Variants in TBC1D32 observed in about 807,000 individuals in gnomAD.
TBC1D32 encodes protein broad-minded.
In TBC1D32, 151 loss-of-function variants were observed where a neutral mutation model predicts 170.3. The observed-to-expected ratio is 0.89, with a 90% CI of 0.78 to 1.01. TBC1D32 has a LOEUF of 1.01. Ranked by LOEUF, TBC1D32 falls within the 50% of genes least tolerant of loss-of-function variation. The pLI is 0.00. For missense variants in TBC1D32, 1,464 were observed against 1,457.1 expected, an observed-to-expected ratio of 1.00 and a Z score of -0.08; for synonymous variants, 498 against 488.0, an observed-to-expected ratio of 1.02 and a Z score of -0.27.
chr6:121,107,469 G>A (rs1355549410), intron 29 of TBC1D32, among the ~76,000 whole-genome samples: 1 of 151,784 alleles, frequency 6.6e-6, no homozygotes, highest in Non-Finnish European at 1.5e-5. Context: ...TTATTTTTGT[G>A]CATTAATGAA....
intron 24 of TBC1D32, among the ~76,000 whole-genome samples, chr6:121,152,686 G>T (rs1213382285): frequency 6.6e-6 from 1 of 152,018 alleles, no homozygotes; most frequent in Non-Finnish European, 1.5e-5. Flanking sequence ...TTTTTTGGAG[G>T]CTTTGTTCAT....
At chr6:121,136,219 T>C (rs1016286933) in intron 24 of TBC1D32, among the ~76,000 whole-genome samples, 1 of 152,156 alleles carries the variant, frequency 6.6e-6, no homozygotes, top group Admixed American at 6.6e-5. Context: ...TTTTCAATAC[T>C]GCCATCTCAG....
intron 15 of TBC1D32, among the ~76,000 whole-genome samples, chr6:121,270,132 T>C (rs1391330239): frequency 5.3e-5 from 8 of 152,112 alleles, no homozygotes; most frequent in Admixed American, 2.0e-4. Context: ...GGGAAATTTA[T>C]AGCACTAAAT....
At chr6:121,196,909 C>T (rs1471073494) in intron 22 of TBC1D32, among the ~76,000 whole-genome samples, 1 of 152,140 alleles carries the variant, frequency 6.6e-6, no homozygotes, top group Non-Finnish European at 1.5e-5. Flanking sequence ...ACCATCACCC[C>T]TAGTGATCCA....
chr6:121,334,524 T>G, upstream of TBC1D32: 1 of 1,434,494 alleles, frequency 7.0e-7, no homozygotes, highest in East Asian at 2.6e-5. Flanking sequence ...CAGCCCCGGC[T>G]ACGTGCGGCG....
intron 9 of TBC1D32, among the ~76,000 whole-genome samples, chr6:121,299,891 G>A (rs940175223): frequency 6.6e-6 from 1 of 152,094 alleles, no homozygotes; most frequent in African/African-American, 2.4e-5. Context: ...GATACTGTAC[G>A]GTCTACATGT....
chr6:121,227,042 T>A (rs77354236), intron 20 of TBC1D32, among the ~76,000 whole-genome samples: 2,107 of 151,800 alleles, frequency 0.014, 41 homozygotes, highest in African/African-American at 0.047. Flanking sequence ...CAATAGCTAA[T>A]GAGCTAAGAA....
chr6:121,088,085 G>C (rs1345188707), intron 31 of TBC1D32, among the ~76,000 whole-genome samples: 1 of 151,696 alleles, frequency 6.6e-6, no homozygotes, highest in East Asian at 1.9e-4. Flanking sequence ...TCAGTAGCTG[G>C]GACTATAGGT....
chr6:121,114,648 G>A (rs1360351930), intron 27 of TBC1D32, among the ~76,000 whole-genome samples: 4 of 151,946 alleles, frequency 2.6e-5, no homozygotes, highest in African/African-American at 9.7e-5. Flanking sequence ...AAGTAAAATG[G>A]GAATGTTAAA....
chr6:121,159,947 C>A, intron 24 of TBC1D32, 63 bp downstream of exon 24: 1 of 1,168,458 alleles, frequency 8.6e-7, no homozygotes, highest in Non-Finnish European at 1.3e-6. Flanking sequence ...TTAATATTTT[C>A]TTTTTTTCAA....
Position 121,117,338 on chromosome 6 carries a change from T to C in TBC1D32, c.2984-2097A>G, listed in dbSNP as rs377412564. Among the ~76,000 whole-genome samples the C allele has an allele frequency of 3.1e-4, 47 of 152,178 alleles. No individual in the cohort carries two copies. The East Asian group carries it at 8.1e-3, about 26-fold the overall frequency. ...GAACAAAACTATGCAGATAAAAATA[T>C]GCAAGGAATAAAAACTTCCCCAAAG... On this transcript the variant is annotated intron_variant, in intron 26 of 31. Coordinates refer to ENST00000398212, the MANE Select transcript of TBC1D32 (RefSeq NM_152730.6).
intron 17 of TBC1D32, among the ~76,000 whole-genome samples, chr6:121,248,790 A>G (rs1797945292): frequency 6.6e-6 from 1 of 151,828 alleles, no homozygotes; most frequent in African/African-American, 2.4e-5. Context: ...AATAACAGCA[A>G]CAAGATTTAA....
Position 121,199,742 on chromosome 6 carries a change from G to A in TBC1D32, c.2570+5333C>T, listed in dbSNP as rs78313458. Among the ~76,000 whole-genome samples the A allele has an allele frequency of 3.5e-3, 534 of 151,214 alleles. 25 individuals are homozygous for A. Among genetic ancestry groups the A allele is most frequent in the African/African-American group, 0.013 (509 of 40,702 alleles). On this transcript the variant is annotated intron_variant, in intron 22 of 31. Coordinates refer to ENST00000398212, the MANE Select transcript of TBC1D32 (RefSeq NM_152730.6). ...TAAAAAAAGATTACAAGAGGTAATT[G>A]TGAGATTATTTCTTGTTACTAAGGT...
intron 21 of TBC1D32, among the ~76,000 whole-genome samples, chr6:121,220,921 A>G (rs111645721): frequency 0.018 from 2,669 of 152,228 alleles, 28 homozygotes; most frequent in South Asian, 0.042. Flanking sequence ...GATTACAGGC[A>G]TGAACAACGA....
At chr6:121,275,478 G>A (rs915158278) in intron 15 of TBC1D32, among the ~76,000 whole-genome samples, 11 of 152,100 alleles carry the variant, frequency 7.2e-5, no homozygotes, top group African/African-American at 2.4e-4. Flanking sequence ...TATTGCCACA[G>A]GAGCAATGAG....
intron 22 of TBC1D32, among the ~76,000 whole-genome samples, chr6:121,172,328 T>C (rs1787136364): frequency 6.6e-6 from 1 of 152,170 alleles, no homozygotes; most frequent in South Asian, 2.1e-4. Flanking sequence ...AGTTACAATG[T>C]TGGCTGGGGT....
At chr6:121,119,876 GCTGT>G (rs1780077466) in intron 26 of TBC1D32, among the ~76,000 whole-genome samples, 4 of 152,136 alleles carry the variant, frequency 2.6e-5, no homozygotes, top group East Asian at 1.9e-4. Flanking sequence ...GGTTTAGAAG[GCTGT>G]CTGTCATTTC....
chr6:121,188,300 A>G (rs1789470693), intron 22 of TBC1D32, among the ~76,000 whole-genome samples: 1 of 152,152 alleles, frequency 6.6e-6, no homozygotes, highest in Admixed American at 6.6e-5. Context: ...TATTACTAGC[A>G]TGTACTTTGA....
chr6:121,189,805 C>A (rs2128284227), intron 22 of TBC1D32, among the ~76,000 whole-genome samples: 2 of 152,062 alleles, frequency 1.3e-5, no homozygotes, highest in Middle Eastern at 6.8e-3. Context: ...GTGAGCCCTC[C>A]CTGGGGTTTT....
Sources: allele counts gnomAD v4.1 joint callset (sites outside exome capture counted in the v4.1 genomes callset), GRCh38; gene constraint gnomAD v4.1.1; transcripts MANE v1.5; gene names NCBI Gene and HGNC (gene_info 2026-07-23, HGNC 2026-07-21).